The following ACSS3 variants were observed in gnomAD, a reference collection of about 807,000 sequenced individuals.
ACSS3 encodes the protein acyl-CoA synthetase short-chain family member 3, mitochondrial.
Under a neutral mutation model 84.2 loss-of-function variants are expected in ACSS3, and 64 were observed. That is an observed-to-expected ratio of 0.76 (90% CI 0.62 to 0.94). ACSS3 has a LOEUF of 0.94. Among genes scored for constraint, ACSS3 ranks in the 40% least tolerant of loss-of-function variants. The probability of loss-of-function intolerance (pLI) is 0.00; values close to 1 mark genes in which losing one functional copy is unlikely to be tolerated. For synonymous variants in ACSS3, 317 were observed against 310.1 expected (o/e 1.02, Z -0.23); for missense variants, 815 against 867.6 (o/e 0.94, Z 0.76).
chr12:81,180,329 A>G (rs1438078754), intron 8 of ACSS3, among the ~76,000 whole-genome samples: 1 of 152,236 alleles, frequency 6.6e-6, no homozygotes, highest in East Asian at 1.9e-4. Context: ...CAATTTACCC[A>G]TGTAACAAAT....
intron 8 of ACSS3, among the ~76,000 whole-genome samples, chr12:81,187,407 A>G (rs561702334): frequency 6.6e-6 from 1 of 152,032 alleles, no homozygotes; most frequent in African/African-American, 2.4e-5. Flanking sequence ...ATTTATTTCT[A>G]AAAGCTCTTA....
At chr12:81,212,082 C>T (rs1389356932) in intron 9 of ACSS3, among the ~76,000 whole-genome samples, 2 of 152,122 alleles carry the variant, frequency 1.3e-5, no homozygotes, top group African/African-American at 2.4e-5. Flanking sequence ...GGAGGTCTTT[C>T]TTGTTCAATA....
At chr12:81,192,427 T>C (rs2031621332) in intron 8 of ACSS3, among the ~76,000 whole-genome samples, 1 of 151,820 alleles carries the variant, frequency 6.6e-6, no homozygotes, top group Admixed American at 6.6e-5. Context: ...AAAAAGAAAA[T>C]AGCTATATTG....
Position 81,134,946 on chromosome 12 carries a change from G to T in ACSS3, c.587G>T (p.Ser196Ile), listed in dbSNP as rs749584534. ...TGTGCAAGGATAGGTGCCATCCACA[G>T]TCTCATATTTGGAGGATTTGCTTCC... is the stretch of plus-strand genomic sequence containing the variant. ...LACARIGAIH[S>I]LIFGGFASKE... The change falls in exon 3 of 16, where the codon AGT (serine) becomes ATT (isoleucine). Residue 196 changes from serine (S) to isoleucine (I), a missense_variant. Transcript: ENST00000548058. The T allele has an allele frequency of 6.2e-6, 10 of 1,607,102 alleles. No homozygotes were observed. The East Asian group carries it at 2.0e-4, about 32-fold the overall frequency.
intron 2 of ACSS3, among the ~76,000 whole-genome samples, chr12:81,120,136 T>C (rs772768726): frequency 1.3e-5 from 2 of 152,176 alleles, no homozygotes; most frequent in African/African-American, 2.4e-5. Context: ...CTGCAGAAGA[T>C]TTATCCAAGA....
chr12:81,085,796 G>T (rs1034395876), intron 1 of ACSS3, among the ~76,000 whole-genome samples: 1 of 152,204 alleles, frequency 6.6e-6, no homozygotes, highest in Non-Finnish European at 1.5e-5. Flanking sequence ...TTGGATGGTG[G>T]TAATGTGTCA....
intron 13 of ACSS3, among the ~76,000 whole-genome samples, chr12:81,247,635 T>C (rs1352212393): frequency 6.6e-6 from 1 of 152,122 alleles, no homozygotes; most frequent in East Asian, 1.9e-4. Context: ...TTATATTTGA[T>C]AAGAAAATTC....
intron 13 of ACSS3, among the ~76,000 whole-genome samples, chr12:81,245,958 C>T (rs1453977873): frequency 1.3e-5 from 2 of 152,188 alleles, no homozygotes; most frequent in South Asian, 2.1e-4. Flanking sequence ...TTTGTCTCCC[C>T]ACAGTTACCA....
At chr12:81,171,731 C>T (rs2030058714) in intron 7 of ACSS3, among the ~76,000 whole-genome samples, 1 of 152,070 alleles carries the variant, frequency 6.6e-6, no homozygotes, top group Non-Finnish European at 1.5e-5. Flanking sequence ...TTTACTAATA[C>T]AGTCATATAT....
At chr12:81,192,152 C>T (rs542354145) in intron 8 of ACSS3, among the ~76,000 whole-genome samples, 25 of 152,084 alleles carry the variant, frequency 1.6e-4, no homozygotes, top group Admixed American at 1.2e-3. Context: ...GAGGCTGAGG[C>T]GGGTGGATCA....
At chr12:81,092,696 C>T (rs905363796) in intron 1 of ACSS3, among the ~76,000 whole-genome samples, 2 of 152,096 alleles carry the variant, frequency 1.3e-5, no homozygotes, top group Non-Finnish European at 2.9e-5. Flanking sequence ...TAATGGGTTT[C>T]TTAGCACCAG....
chr12:81,154,107 C>G (rs1434447707), intron 7 of ACSS3, among the ~76,000 whole-genome samples: 1 of 152,100 alleles, frequency 6.6e-6, no homozygotes, highest in Non-Finnish European at 1.5e-5. Flanking sequence ...GTACCATTGT[C>G]TTTGCAATAT....
intron 3 of ACSS3, among the ~76,000 whole-genome samples, chr12:81,135,420 T>G (rs181295485): frequency 7.0e-6 from 1 of 142,660 alleles, no homozygotes; most frequent in Non-Finnish European, 1.5e-5. Flanking sequence ...TAATAATATA[T>G]AAATATATAT....
chr12:81,104,454 T>A (rs1293793144), intron 1 of ACSS3, among the ~76,000 whole-genome samples: 1 of 152,164 alleles, frequency 6.6e-6, no homozygotes, highest in East Asian at 1.9e-4. Context: ...AGTCTAGATT[T>A]CTGCTCTTGC....
intron 7 of ACSS3, among the ~76,000 whole-genome samples, chr12:81,172,820 A>G (rs1328932742): frequency 6.6e-6 from 1 of 152,196 alleles, no homozygotes; most frequent in Non-Finnish European, 1.5e-5. Flanking sequence ...CATTTTAATT[A>G]TGATATTAAT....
intron 9 of ACSS3, among the ~76,000 whole-genome samples, chr12:81,202,626 A>T (rs2032160766): frequency 6.6e-6 from 1 of 152,122 alleles, no homozygotes; most frequent in African/African-American, 2.4e-5. Context: ...TTAGAAGTTG[A>T]TATTTTTTAC....
intron 13 of ACSS3, among the ~76,000 whole-genome samples, chr12:81,241,234 A>G (rs2033792894): frequency 6.6e-6 from 1 of 152,076 alleles, no homozygotes; most frequent in Non-Finnish European, 1.5e-5. Context: ...CCAGTCTATC[A>G]TTATTGGACA....
At chr12:81,120,395 C>A (rs953446107) in intron 2 of ACSS3, among the ~76,000 whole-genome samples, 1 of 152,128 alleles carries the variant, frequency 6.6e-6, no homozygotes, top group Non-Finnish European at 1.5e-5. Context: ...TGTTATACAG[C>A]AATGTAAAGA....
intron 5 of ACSS3, among the ~76,000 whole-genome samples, chr12:81,148,897 T>TAA (rs397851051): frequency 0.3 from 24,733 of 81,580 alleles, 4,679 homozygotes; most frequent in Non-Finnish European, 0.4. Flanking sequence ...CTGCCTCTAC[T>TAA]AAAAAAAAAA....
Sources: gnomAD v4.1 joint callset for allele counts (sites outside exome capture counted in the v4.1 genomes callset) on GRCh38, gnomAD v4.1.1 for gene constraint, MANE v1.5 for transcripts, NCBI Gene and HGNC (gene_info 2026-07-23, HGNC 2026-07-21) for gene names.